PTPRD: variants seen among roughly 807,000 people sequenced by gnomAD.
PTPRD encodes receptor-type tyrosine-protein phosphatase delta.
Under a neutral mutation model 214.5 loss-of-function variants are expected in PTPRD, and 34 were observed. The observed-to-expected ratio is 0.16, with a 90% confidence interval of 0.12 to 0.21. The LOEUF is 0.21. Among genes scored for constraint, PTPRD ranks in the 10% least tolerant of loss-of-function variants. The probability of loss-of-function intolerance (pLI) is 1.00; values close to 1 mark genes in which losing one functional copy is unlikely to be tolerated. For synonymous variants in PTPRD, 1,128 were observed against 845.7 expected (o/e 1.33, Z -5.79); for missense variants, 2,545 against 2,398.7 (o/e 1.06, Z -1.27).
intron 8 of PTPRD, among the ~76,000 whole-genome samples, chr9:9,474,691 G>C (rs1589355340): frequency 7.1e-6 from 1 of 140,190 alleles, no homozygotes; most frequent in Non-Finnish European, 1.6e-5. Flanking sequence ...GGTTTTTTTT[G>C]TAGCTATTAT....
chr9:8,354,360 C>G (rs568017414), intron 39 of PTPRD, among the ~76,000 whole-genome samples: 1 of 152,234 alleles, frequency 6.6e-6, no homozygotes, highest in African/African-American at 2.4e-5. Flanking sequence ...TCTACCATGA[C>G]TGGTAATGGT....
At chr9:8,318,468 C>CT (rs1161268359) in intron 45 of PTPRD, among the ~76,000 whole-genome samples, 1 of 152,046 alleles carries the variant, frequency 6.6e-6, no homozygotes, top group African/African-American at 2.4e-5. Context: ...GACAGTAGAG[C>CT]TTGCAGTGAG....
intron 3 of PTPRD, among the ~76,000 whole-genome samples, chr9:10,300,698 C>G (rs912708358): frequency 6.6e-6 from 1 of 152,144 alleles, no homozygotes; most frequent in Non-Finnish European, 1.5e-5. Context: ...GCTGCTGCAG[C>G]CAGACTGCCT....
In PTPRD at chr9:10,511,852, C is replaced by T. The variant is rs960425344; in HGVS notation, c.-600+100546G>A. 7.5e-5 allele frequency among the ~76,000 whole-genome samples: 8 copies of T among 107,152 alleles called. No homozygotes were observed. The East Asian group carries it at 2.3e-3, about 31-fold the overall frequency. 70.3% of individuals were successfully genotyped at this position (107,152 alleles called of 152,430 possible). On this transcript the variant is annotated intron_variant, in intron 2 of 45. Coordinates refer to ENST00000381196, the MANE Select transcript of PTPRD (RefSeq NM_002839.4). ...TAAAACCATGGAACCATATACATATCTGTGTGTGTGTGTGTGTGTGTGTGT... is the reference window on the plus strand; with the variant it reads ...TAAAACCATGGAACCATATACATATTTGTGTGTGTGTGTGTGTGTGTGTGT...
At chr9:8,857,179 T>C (rs1038914329) in intron 11 of PTPRD, among the ~76,000 whole-genome samples, 2 of 151,998 alleles carry the variant, frequency 1.3e-5, no homozygotes, top group African/African-American at 4.8e-5. Flanking sequence ...TCCCCACTAG[T>C]TCAGAGGAAA....
intron 19 of PTPRD, among the ~76,000 whole-genome samples, chr9:8,522,334 G>A (rs1592685701): frequency 1.3e-5 from 2 of 152,100 alleles, no homozygotes; most frequent in African/African-American, 4.8e-5. Context: ...ACGTGAAAGG[G>A]GGAGGTAAAG....
intron 3 of PTPRD, among the ~76,000 whole-genome samples, chr9:10,190,296 T>A (rs1401019855): frequency 1.4e-5 from 2 of 139,416 alleles, no homozygotes; most frequent in Middle Eastern, 8.7e-3. Context: ...AACCAGGAGG[T>A]GGAGGTTGCA....
At chr9:9,363,922 T>A (rs1464140409) in intron 9 of PTPRD, among the ~76,000 whole-genome samples, 1 of 151,442 alleles carries the variant, frequency 6.6e-6, no homozygotes, top group Non-Finnish European at 1.5e-5. Context: ...AATGAAATTA[T>A]AAAAAAGTGT....
chr9:10,604,993 C>A (rs926064899), intron 2 of PTPRD, among the ~76,000 whole-genome samples: 1 of 151,902 alleles, frequency 6.6e-6, no homozygotes, highest in South Asian at 2.1e-4. Flanking sequence ...ACTCTTCAAA[C>A]TTAAGTCATA....
chr9:10,603,591 A>G (rs1405319103), intron 2 of PTPRD, among the ~76,000 whole-genome samples: 1 of 151,902 alleles, frequency 6.6e-6, no homozygotes, highest in Non-Finnish European at 1.5e-5. Flanking sequence ...TTTCTCATTT[A>G]TAAATCAAAG....
intron 8 of PTPRD, among the ~76,000 whole-genome samples, chr9:9,412,708 A>C (rs550286855): frequency 6.6e-6 from 1 of 152,166 alleles, no homozygotes; most frequent in South Asian, 2.1e-4. Context: ...TGTTTTTCTC[A>C]GAGTACCTTA....
chr9:10,564,293 G>A (rs897553017), intron 2 of PTPRD, among the ~76,000 whole-genome samples: 1 of 146,758 alleles, frequency 6.8e-6, no homozygotes, highest in African/African-American at 2.5e-5. Flanking sequence ...GGGATTACAG[G>A]CACGAGCTGC....
chr9:10,090,917 TATACACAC>T (rs1306986706), intron 3 of PTPRD, among the ~76,000 whole-genome samples: 1 of 52,976 alleles, frequency 1.9e-5, no homozygotes, highest in African/African-American at 8.1e-5. Flanking sequence ...ATAAATGAAA[TATACACAC>T]ACACACACAC....
intron 9 of PTPRD, among the ~76,000 whole-genome samples, chr9:9,339,320 T>TAAA (rs558687690): frequency 2.9e-5 from 4 of 139,976 alleles, no homozygotes; most frequent in African/African-American, 5.2e-5. Flanking sequence ...TACTAAAAAT[T>TAAA]AAAAAAAAAA....
At chr9:9,124,705 A>C (rs994084109) in intron 10 of PTPRD, among the ~76,000 whole-genome samples, 7 of 152,138 alleles carry the variant, frequency 4.6e-5, no homozygotes, top group Non-Finnish European at 1.0e-4. Context: ...TCAAATAATA[A>C]AGTTGAAGTC....
intron 11 of PTPRD, among the ~76,000 whole-genome samples, chr9:8,821,131 C>T (rs757897438): frequency 2.6e-5 from 4 of 152,190 alleles, no homozygotes; most frequent in Non-Finnish European, 4.4e-5. Flanking sequence ...GATCCCTCTG[C>T]TCCTCTTGAT....
In PTPRD at chr9:9,133,556, C is replaced by A. The variant is rs559064872; in HGVS notation, c.-143+49748G>T. ...AGTAATGTGTGCATGGCAAGGGAAG[C>A]TTTTTAAATGAGTTGTTATAAAAAA... On this transcript the variant is annotated intron_variant, in intron 10 of 45. Transcript: ENST00000381196. Among the ~76,000 whole-genome samples, 4 of 152,150 alleles carry A rather than the reference C, an allele frequency of 2.6e-5. No individual in the cohort carries two copies. The East Asian group carries it at 5.8e-4, about 22-fold the overall frequency.
At chr9:9,552,734 T>C (rs1171285816) in intron 8 of PTPRD, among the ~76,000 whole-genome samples, 2 of 152,084 alleles carry the variant, frequency 1.3e-5, no homozygotes, top group African/African-American at 2.4e-5. Flanking sequence ...GATTTCTGCA[T>C]TTTTGTGGAG....
At chr9:9,269,368 A>G (rs532974896) in intron 9 of PTPRD, among the ~76,000 whole-genome samples, 1 of 151,426 alleles carries the variant, frequency 6.6e-6, no homozygotes, top group South Asian at 2.1e-4. Flanking sequence ...TGCTGGTGAG[A>G]GTGTGGAAAA....
Sources: gnomAD v4.1 joint callset for allele counts (sites outside exome capture counted in the v4.1 genomes callset) on GRCh38, gnomAD v4.1.1 for gene constraint, MANE v1.5 for transcripts, NCBI Gene and HGNC (gene_info 2026-07-23, HGNC 2026-07-21) for gene names.